FGGY: variants seen among roughly 807,000 people sequenced by gnomAD.
The protein encoded by FGGY is FGGY carbohydrate kinase domain-containing protein.
FGGY carries 72 observed loss-of-function variants against 71.3 expected under a neutral mutation model. The ratio of observed to expected loss-of-function variants is 1.01; its 90% CI spans 0.84 to 1.23. The LOEUF is 1.23. FGGY is among the 50% of genes most tolerant of loss of function. The pLI is 0.00. For missense variants in FGGY, 668 were observed against 682.3 expected, an observed-to-expected ratio of 0.98 and a Z score of 0.23; for synonymous variants, 251 against 250.3, an observed-to-expected ratio of 1.00 and a Z score of -0.02.
chr1:59,411,441 T>C (rs1256940644), intron 5 of FGGY, among the ~76,000 whole-genome samples: 1 of 152,256 alleles, frequency 6.6e-6, no homozygotes, highest in Non-Finnish European at 1.5e-5. Context: ...TATTTTTCCA[T>C]TTGTAATTAA....
intron 7 of FGGY, among the ~76,000 whole-genome samples, chr1:59,532,311 G>C (rs1470569697): frequency 6.6e-6 from 1 of 152,148 alleles, no homozygotes; most frequent in Non-Finnish European, 1.5e-5. Flanking sequence ...ACTACAGCCA[G>C]TATACAAAAG....
intron 9 of FGGY, among the ~76,000 whole-genome samples, chr1:59,621,405 G>A (rs1345797942): frequency 8.2e-6 from 1 of 121,488 alleles, no homozygotes; most frequent in African/African-American, 3.1e-5. Context: ...GAAAATTTGA[G>A]TTTCCATGTG....
chr1:59,569,354 T>A (rs1323396477), intron 8 of FGGY, among the ~76,000 whole-genome samples: 1 of 152,146 alleles, frequency 6.6e-6, no homozygotes, highest in Non-Finnish European at 1.5e-5. Flanking sequence ...CACATAAAAT[T>A]GCACAATAGA....
intron 6 of FGGY, among the ~76,000 whole-genome samples, chr1:59,501,392 TTTTC>T (rs1299854982): frequency 6.6e-6 from 1 of 152,124 alleles, no homozygotes; most frequent in Non-Finnish European, 1.5e-5. Flanking sequence ...AAATCCCTAG[TTTTC>T]TTTATGTGAT....
chr1:59,405,417 T>A lies in FGGY; in HGVS notation c.554+26580T>A, dbSNP rs572332525. ...TGAAGAATCTCACAAATTAGATTTT[T>A]AATTTTTTGAGTTGCTAGAGTAGAT... On this transcript the variant is annotated intron_variant, in intron 5 of 15. Coordinates refer to ENST00000303721, the MANE Select transcript of FGGY (RefSeq NM_018291.5). Among the ~76,000 whole-genome samples the A allele has an allele frequency of 5.3e-5, 8 of 152,356 alleles. No individual in the cohort carries two copies. The South Asian group carries it at 1.2e-3, about 24-fold the overall frequency.
intron 1 of FGGY, among the ~76,000 whole-genome samples, chr1:59,308,914 C>T (rs963023189): frequency 2.0e-5 from 3 of 152,090 alleles, no homozygotes; most frequent in Non-Finnish European, 4.4e-5. Context: ...TCAACAGCTA[C>T]TGATGTATCA....
intron 5 of FGGY, among the ~76,000 whole-genome samples, chr1:59,425,973 T>C (rs563584162): frequency 1.3e-5 from 2 of 152,296 alleles, no homozygotes; most frequent in African/African-American, 4.8e-5. Context: ...TTTTTGAAAT[T>C]GAATAAGTTT....
intron 10 of FGGY, chr1:59,626,295 TAGA>T (rs2096856073): frequency 2.5e-6 from 1 of 403,388 alleles, no homozygotes. Context: ...AACTCTGATG[TAGA>T]AGAAGGACCA....
chr1:59,564,814 C>G (rs567937412), intron 8 of FGGY, among the ~76,000 whole-genome samples: 1 of 152,246 alleles, frequency 6.6e-6, no homozygotes, highest in East Asian at 1.9e-4. Flanking sequence ...TCTGGAAACC[C>G]ACTAGGAACA....
chr1:59,427,897 T>A (rs60785874), intron 5 of FGGY, among the ~76,000 whole-genome samples: 2,097 of 152,270 alleles, frequency 0.014, 63 homozygotes, highest in African/African-American at 0.048. Flanking sequence ...TCCAATGGCC[T>A]TCTGCTTCAT....
chr1:59,506,655 C>T (rs1570373080), intron 6 of FGGY, among the ~76,000 whole-genome samples: 1 of 152,142 alleles, frequency 6.6e-6, no homozygotes, highest in African/African-American at 2.4e-5. Flanking sequence ...AAAAATTAGC[C>T]AGCCGTGCTG....
intron 1 of FGGY, among the ~76,000 whole-genome samples, chr1:59,297,964 C>A (rs983284425): frequency 1.3e-5 from 2 of 152,114 alleles, no homozygotes; most frequent in East Asian, 3.8e-4. Context: ...AGCAGTTAAT[C>A]CTTAGGTTAA....
intron 6 of FGGY, among the ~76,000 whole-genome samples, chr1:59,504,410 G>T (rs777091828): frequency 6.6e-6 from 1 of 152,186 alleles, no homozygotes; most frequent in Non-Finnish European, 1.5e-5. Context: ...TGTCTGGTGC[G>T]TGGGGTTGGG....
intron 4 of FGGY, among the ~76,000 whole-genome samples, chr1:59,373,123 CCT>C (rs1410313010): frequency 6.6e-6 from 1 of 151,944 alleles, no homozygotes; most frequent in African/African-American, 2.4e-5. Flanking sequence ...TCAAATTGTC[CCT>C]GTTTGCAGAC....
chr1:59,635,886 C>T (rs908355549), intron 10 of FGGY, among the ~76,000 whole-genome samples: 7 of 152,120 alleles, frequency 4.6e-5, no homozygotes, highest in Admixed American at 4.6e-4. Flanking sequence ...ACAGAAAGTC[C>T]ATGGCTTCAG....
chr1:59,696,900 C>T (rs551737820), intron 14 of FGGY, among the ~76,000 whole-genome samples: 3 of 152,092 alleles, frequency 2.0e-5, no homozygotes, highest in South Asian at 2.1e-4. Flanking sequence ...GACCCAGAAA[C>T]GGGAAGTGCT....
intron 1 of FGGY, among the ~76,000 whole-genome samples, chr1:59,298,266 C>T (rs2042262698): frequency 6.6e-6 from 1 of 152,122 alleles, no homozygotes. Flanking sequence ...ACCTGATGGC[C>T]ACTGGCCTGG....
At chr1:59,329,481 A>G (rs1160242159) in intron 2 of FGGY, among the ~76,000 whole-genome samples, 1 of 152,254 alleles carries the variant, frequency 6.6e-6, no homozygotes, top group Non-Finnish European at 1.5e-5. Flanking sequence ...GTGAAGCACG[A>G]TAAAATGAGG....
chr1:59,712,716 C>G (rs755211354), intron 14 of FGGY, among the ~76,000 whole-genome samples: 47 of 152,118 alleles, frequency 3.1e-4, no homozygotes, highest in Non-Finnish European at 1.0e-4. Flanking sequence ...GCACCAAGTC[C>G]TAGGCTGCAC....
Sources: allele counts gnomAD v4.1 joint callset (sites outside exome capture counted in the v4.1 genomes callset), GRCh38; gene constraint gnomAD v4.1.1; transcripts MANE v1.5; gene names NCBI Gene and HGNC (gene_info 2026-07-23, HGNC 2026-07-21).